Variants in FABP12 observed in about 807,000 individuals in gnomAD.
The protein encoded by FABP12 is fatty acid-binding protein 12.
In FABP12, 19 loss-of-function variants were observed where a neutral mutation model predicts 13.7. That is an observed-to-expected ratio of 1.39 (90% CI 0.97 to 2.04). The LOEUF (loss-of-function observed/expected upper bound fraction) is 2.04. Among genes scored for constraint, FABP12 ranks in the 30% most tolerant of loss-of-function variants. The pLI, the probability that FABP12 is intolerant of heterozygous loss-of-function variation, is 0.00. For synonymous variants in FABP12, 61 were observed against 57.0 expected (o/e 1.07, Z -0.32); for missense variants, 182 against 164.2 (o/e 1.11, Z -0.59).
chr8:81,558,116 G>A (rs935805194), intron 1 of FABP12, among the ~76,000 whole-genome samples: 27 of 152,178 alleles, frequency 1.8e-4, no homozygotes, highest in African/African-American at 5.5e-4. Flanking sequence ...TTGGCAAATC[G>A]GGAACCTTGC....
chr8:81,566,823 A>C (rs1360373437), intron 1 of FABP12, among the ~76,000 whole-genome samples: 2 of 152,204 alleles, frequency 1.3e-5, no homozygotes, highest in Non-Finnish European at 2.9e-5. Flanking sequence ...ATCAGACGGG[A>C]GAAAGAAATA....
At chr8:81,528,327 T>C (rs772817646) in intron 3 of FABP12, among the ~76,000 whole-genome samples, 1 of 151,980 alleles carries the variant, frequency 6.6e-6, no homozygotes, top group Non-Finnish European at 1.5e-5. Context: ...AATCCTCCTG[T>C]TTTGGCCTCC....
rs565008467 is a variant in FABP12, at chr8:81,573,161, A to G, written c.-185+16892T>C. On this transcript the variant is annotated intron_variant, in intron 1 of 5. Coordinates refer to the FABP12 transcript ENST00000692030. Reference sequence around the variant, plus strand: ...GATGAGGATCCAGTTTCATTCTCCTACATGTGGCTAGCCAATTATCCCAGC... The same window carrying G: ...GATGAGGATCCAGTTTCATTCTCCTGCATGTGGCTAGCCAATTATCCCAGC... Among the ~76,000 whole-genome samples, 4 of 152,222 alleles carry G rather than the reference A, an allele frequency of 2.6e-5. No individual in the cohort carries two copies. In the East Asian group the frequency reaches 5.8e-4, roughly 22 times the overall value.
intron 2 of FABP12, among the ~76,000 whole-genome samples, chr8:81,539,361 A>G (rs1809290605): frequency 6.8e-6 from 1 of 148,136 alleles, no homozygotes; most frequent in Non-Finnish European, 1.5e-5. Context: ...TAATAATTAT[A>G]TGATAAAATT....
chr8:81,545,255 A>G (rs1185762963), intron 1 of FABP12, among the ~76,000 whole-genome samples: 1 of 152,208 alleles, frequency 6.6e-6, no homozygotes, highest in Non-Finnish European at 1.5e-5. Flanking sequence ...TCAGCAGAAC[A>G]TAAAGGGCCT....
intron 1 of FABP12, among the ~76,000 whole-genome samples, 182 bp downstream of exon 1, chr8:81,533,620 C>G (rs930706399): frequency 6.6e-6 from 1 of 152,190 alleles, no homozygotes; most frequent in Non-Finnish European, 1.5e-5. Flanking sequence ...AAACCACTGC[C>G]CATTTTTAAC....
chr8:81,536,063 T>C (rs554401742), upstream of FABP12, among the ~76,000 whole-genome samples: 3 of 152,306 alleles, frequency 2.0e-5, no homozygotes, highest in African/African-American at 7.2e-5. Flanking sequence ...TGAAGTGCAA[T>C]CAATCCCCTG....
At chr8:81,587,146 G>A (rs1468910314) in intron 1 of FABP12, among the ~76,000 whole-genome samples, 1 of 152,022 alleles carries the variant, frequency 6.6e-6, no homozygotes, top group African/African-American at 2.4e-5. Flanking sequence ...TGTTACATTG[G>A]TCTATGTGTC....
At chr8:81,561,159 G>A (rs923714250) in intron 1 of FABP12, among the ~76,000 whole-genome samples, 2 of 151,974 alleles carry the variant, frequency 1.3e-5, no homozygotes, top group Non-Finnish European at 2.9e-5. Context: ...GTGAGAGCTC[G>A]GGCAAGTCCT....
intron 1 of FABP12, among the ~76,000 whole-genome samples, chr8:81,585,374 T>C (rs569576178): frequency 5.3e-5 from 8 of 152,340 alleles, no homozygotes; most frequent in South Asian, 2.1e-4. Context: ...AGCACCTTCA[T>C]TGAAAATGAG....
chr8:81,566,761 C>T (rs573569299), intron 1 of FABP12, among the ~76,000 whole-genome samples: 153 of 152,206 alleles, frequency 1.0e-3, no homozygotes, highest in African/African-American at 3.6e-3. Context: ...GACAAGGATA[C>T]CCACTGTCCC....
At position 81,574,706 on chromosome 8, in the gene FABP12, A is replaced by G. The variant is rs554617463; in HGVS notation, c.-185+15347T>C. Reference sequence around the variant, plus strand: ...ATTGTATTTTTCCAGGAATTTATCCATCTCTTCTAGGTTTTCTAGTTTATG... The same window carrying G: ...ATTGTATTTTTCCAGGAATTTATCCGTCTCTTCTAGGTTTTCTAGTTTATG... On this transcript the variant is annotated intron_variant, in intron 1 of 5. Transcript: ENST00000692030. Among the ~76,000 whole-genome samples the G allele has an allele frequency of 1.2e-3, 180 of 152,240 alleles. 1 individual carries two copies. The highest frequency in any genetic ancestry group is 2.3e-3 in the Non-Finnish European group (155 of 68,012).
intron 1 of FABP12, among the ~76,000 whole-genome samples, chr8:81,586,729 T>C (rs1388057739): frequency 6.6e-6 from 1 of 152,108 alleles, no homozygotes; most frequent in Non-Finnish European, 1.5e-5. Flanking sequence ...CAAATATTTT[T>C]CTCATTCTGC....
chr8:81,556,035 C>T (rs187978375), intron 1 of FABP12, among the ~76,000 whole-genome samples: 2 of 152,038 alleles, frequency 1.3e-5, no homozygotes, highest in Non-Finnish European at 2.9e-5. Context: ...TTTTAATGAG[C>T]AGAACAAAAT....
intron 1 of FABP12, among the ~76,000 whole-genome samples, chr8:81,588,203 C>G (rs529946013): frequency 2.0e-5 from 3 of 152,288 alleles, no homozygotes; most frequent in African/African-American, 7.2e-5. Context: ...ACTTTGCATC[C>G]TTCAATCCAA....
At chr8:81,589,225 C>T (rs1003031845) in intron 1 of FABP12, among the ~76,000 whole-genome samples, 27 of 152,058 alleles carry the variant, frequency 1.8e-4, no homozygotes, top group Admixed American at 1.7e-3. Flanking sequence ...ATTAAATTTG[C>T]GAGTTAATTT....
chr8:81,565,497 C>T (rs578147993), intron 1 of FABP12, among the ~76,000 whole-genome samples: 5 of 151,856 alleles, frequency 3.3e-5, no homozygotes, highest in African/African-American at 1.2e-4. Flanking sequence ...CTTCTCTGAC[C>T]ACAATGGAAT....
intron 1 of FABP12, among the ~76,000 whole-genome samples, chr8:81,568,681 T>C (rs775721717): frequency 6.6e-6 from 1 of 152,194 alleles, no homozygotes; most frequent in Non-Finnish European, 1.5e-5. Context: ...TACACTCCCA[T>C]GTTTATTGCA....
intron 1 of FABP12, among the ~76,000 whole-genome samples, chr8:81,573,661 G>A (rs1404867840): frequency 2.0e-5 from 3 of 151,932 alleles, no homozygotes; most frequent in African/African-American, 7.2e-5. Context: ...GAGGTCTTTC[G>A]ATTCCTTGGT....
Sources: gnomAD v4.1 joint callset for allele counts (sites outside exome capture counted in the v4.1 genomes callset) on GRCh38, gnomAD v4.1.1 for gene constraint, MANE v1.5 for transcripts, NCBI Gene and HGNC (gene_info 2026-07-23, HGNC 2026-07-21) for gene names.